COL21A1: variants seen among roughly 807,000 people sequenced by gnomAD.
COL21A1 encodes the protein collagen type XXI alpha 1 chain.
In COL21A1, 149 loss-of-function variants were observed where a neutral mutation model predicts 137.9. The ratio of observed to expected loss-of-function variants is 1.08; its 90% CI spans 0.95 to 1.24. COL21A1 has a LOEUF of 1.24. Among genes scored for constraint, COL21A1 ranks in the 50% most tolerant of loss-of-function variants. The pLI is 0.00. For missense variants in COL21A1, 1,167 were observed against 1,158.4 expected (o/e 1.01, Z -0.11); for synonymous variants, 456 against 391.5 (o/e 1.16, Z -1.95).
chr6:56,363,208 G>C (rs1186285015), intron 1 of COL21A1, among the ~76,000 whole-genome samples: 1 of 152,210 alleles, frequency 6.6e-6, no homozygotes, highest in Non-Finnish European at 1.5e-5. Flanking sequence ...CTAGCCTTCT[G>C]GGAACCAGGC....
chr6:56,117,258 T>C (rs1203884168), intron 16 of COL21A1, among the ~76,000 whole-genome samples: 1 of 151,980 alleles, frequency 6.6e-6, no homozygotes, highest in Non-Finnish European at 1.5e-5. Flanking sequence ...TGGAAAAAGA[T>C]ACTCCATGCC....
At chr6:56,289,451 A>G (rs75978185) in intron 1 of COL21A1, among the ~76,000 whole-genome samples, 21,830 of 152,218 alleles carry the variant, frequency 0.14, 3,786 homozygotes, top group African/African-American at 0.42. Context: ...CAGAGCGTGC[A>G]TCTTCACCTA....
chr6:56,124,665 G>A (rs12203966), intron 14 of COL21A1, among the ~76,000 whole-genome samples: 7 of 148,796 alleles, frequency 4.7e-5, no homozygotes, highest in Non-Finnish European at 7.4e-5. Context: ...TTTTTGAGAC[G>A]GAGTCTCACT....
At chr6:56,249,035 A>T (rs1331245481), upstream of COL21A1, among the ~76,000 whole-genome samples, 1 of 152,236 alleles carries the variant, frequency 6.6e-6, no homozygotes, top group African/African-American at 2.4e-5. Flanking sequence ...CTTACAACTC[A>T]AGAGTAAAAA....
chr6:56,119,361 A>G (rs1772248505), intron 16 of COL21A1, among the ~76,000 whole-genome samples: 1 of 152,048 alleles, frequency 6.6e-6, no homozygotes, highest in African/African-American at 2.4e-5. Context: ...AAGAATTGAA[A>G]GATCTCTACA....
intron 1 of COL21A1, among the ~76,000 whole-genome samples, chr6:56,259,133 G>T (rs1763188261): frequency 6.6e-6 from 1 of 152,208 alleles, no homozygotes. Flanking sequence ...TTGGCCAGTA[G>T]AAGAGCTGAT....
intron 1 of COL21A1, among the ~76,000 whole-genome samples, chr6:56,307,946 A>G (rs1341642310): frequency 6.6e-6 from 1 of 152,250 alleles, no homozygotes; most frequent in Non-Finnish European, 1.5e-5. Flanking sequence ...GGGTCCATCA[A>G]CAGATGAATG....
intron 1 of COL21A1, among the ~76,000 whole-genome samples, chr6:56,283,678 C>G (rs1763834408): frequency 6.6e-6 from 1 of 152,108 alleles, no homozygotes; most frequent in South Asian, 2.1e-4. Flanking sequence ...CATTTTCCAA[C>G]AGATGAATGA....
chr6:56,159,411 C>A (rs866646318), intron 9 of COL21A1, among the ~76,000 whole-genome samples: 4 of 150,758 alleles, frequency 2.7e-5, no homozygotes, highest in African/African-American at 7.3e-5. Flanking sequence ...TGGCTCACCA[C>A]AACCTCCACC....
intron 3 of COL21A1, among the ~76,000 whole-genome samples, chr6:56,176,237 T>A (rs1205162488): frequency 6.6e-6 from 1 of 151,782 alleles, no homozygotes; most frequent in Non-Finnish European, 1.5e-5. Flanking sequence ...TATTCCAAAA[T>A]CACAGGCAAC....
rs565414013 is a variant in COL21A1 at position 56,238,241 on chromosome 6, G to T, written c.-39+9146C>A. The stretch of plus-strand genomic sequence containing the variant: ...ACTGACTAACAAACTGAGTGCTCCA[G>T]GACAGGAATCATGTCATATTTAGGG... On this transcript the variant is annotated intron_variant, in intron 1 of 29. Coordinates refer to ENST00000244728, the MANE Select transcript of COL21A1 (RefSeq NM_030820.4). Among the ~76,000 whole-genome samples the T allele has an allele frequency of 2.0e-5, 3 of 151,870 alleles. No homozygotes were observed. The South Asian group carries it at 6.2e-4, about 31-fold the overall frequency.
chr6:56,098,576 A>AAATATATAAAT (rs1769996500), intron 17 of COL21A1, among the ~76,000 whole-genome samples: 1 of 7,758 alleles, frequency 1.3e-4, no homozygotes, highest in Non-Finnish European at 2.4e-4. Context: ...AATATATATA[A>AAATATATAAAT]ATATATATAA....
At chr6:56,207,117 A>C (rs934238866) in intron 1 of COL21A1, among the ~76,000 whole-genome samples, 7 of 152,154 alleles carry the variant, frequency 4.6e-5, no homozygotes, top group African/African-American at 1.7e-4. Flanking sequence ...CCCTAACATC[A>C]AAATTAAAAG....
chr6:56,059,217 T>A lies in COL21A1; in HGVS notation c.2634A>T (p.Lys878Asn). The A allele has an allele frequency of 6.3e-7, 1 of 1,595,374 alleles. No homozygotes were observed. Among genetic ancestry groups the A allele is most frequent in the Non-Finnish European group, 8.5e-7 (1 of 1,172,030 alleles). The part of the protein sequence containing the change: ...LKGLPGRNGE[K>N]GSQGFGYPGE... The stretch of plus-strand genomic sequence containing the variant: ...CAGGATACCCAAACCCTTGGCTCCC[T>A]TTTTCCCCATTTCTTCCTGGTAGGC... Residue 878 changes from lysine to asparagine, a missense_variant, in exon 29 of 30, where the codon AAA (lysine) becomes AAT (asparagine). By Grantham distance (94) the Lys-to-Asn change is moderately conservative. Transcript: ENST00000244728.
At chr6:56,156,820 A>G in intron 10 of COL21A1, 67 bp downstream of exon 10, 1 of 1,299,586 alleles carries the variant, frequency 7.7e-7, no homozygotes, top group Admixed American at 1.9e-5. Flanking sequence ...AGATTTGCTC[A>G]GCAAAACTTT....
Position 56,180,147 on chromosome 6 carries a change from C to A in COL21A1, c.89-18G>T. On this transcript the variant is annotated intron_variant, in intron 2 of 29. Transcript: ENST00000244728. ...ACGACAACCTAAGTGCAAAAGAAAA[C>A]CATCATAGCACATCTTTTATATAAA... 1.9e-6 allele frequency: 3 copies of A among 1,573,910 alleles called. No individual in the cohort carries two copies. The highest frequency in any genetic ancestry group is 2.6e-6 in the Non-Finnish European group (3 of 1,162,740).
At chr6:56,229,740 A>C (rs907768101) in intron 1 of COL21A1, among the ~76,000 whole-genome samples, 3 of 151,904 alleles carry the variant, frequency 2.0e-5, no homozygotes, top group Non-Finnish European at 4.4e-5. Flanking sequence ...CAGTGCAGAA[A>C]TATATGTTAA....
intron 3 of COL21A1, among the ~76,000 whole-genome samples, chr6:56,171,973 G>T (rs1777095943): frequency 6.8e-6 from 1 of 147,988 alleles, no homozygotes; most frequent in African/African-American, 2.5e-5. Flanking sequence ...TCCAGTTAGA[G>T]AAACAAAAAG....
At chr6:56,150,521 C>T (rs1162928669) in intron 10 of COL21A1, among the ~76,000 whole-genome samples, 2 of 142,296 alleles carry the variant, frequency 1.4e-5, no homozygotes, top group African/African-American at 5.5e-5. Context: ...CCATCACACA[C>T]ACACACACAC....
Sources: gnomAD v4.1 joint callset for allele counts (sites outside exome capture counted in the v4.1 genomes callset) on GRCh38, gnomAD v4.1.1 for gene constraint, MANE v1.5 for transcripts, NCBI Gene and HGNC (gene_info 2026-07-23, HGNC 2026-07-21) for gene names.